The following DPP10 variants were observed in gnomAD, a reference collection of about 807,000 sequenced individuals.
DPP10 encodes the protein dipeptidyl peptidase like 10.
A neutral mutation model predicts 120.9 loss-of-function variants in DPP10; 33 were observed. The ratio of observed to expected loss-of-function variants is 0.27; its 90% CI spans 0.21 to 0.37. The LOEUF (loss-of-function observed/expected upper bound fraction) is 0.37, where lower values mean the gene tolerates loss of function less well. Among genes scored for constraint, DPP10 ranks in the 10% least tolerant of loss-of-function variants. The probability of loss-of-function intolerance (pLI) is 1.00; values close to 1 mark genes in which losing one functional copy is unlikely to be tolerated. For synonymous variants in DPP10, 337 were observed against 326.1 expected (o/e 1.03, Z -0.36); for missense variants, 816 against 942.8 (o/e 0.87, Z 1.76).
intron 1 of DPP10, among the ~76,000 whole-genome samples, chr2:114,943,431 G>A (rs1697113814): frequency 2.6e-5 from 4 of 151,970 alleles, no homozygotes; most frequent in Non-Finnish European, 5.9e-5. Context: ...GTGCCACCAC[G>A]CCCAGCTAAT....
chr2:115,586,237 G>A (rs1322054814), intron 5 of DPP10, among the ~76,000 whole-genome samples: 1 of 152,164 alleles, frequency 6.6e-6, no homozygotes, highest in Non-Finnish European at 1.5e-5. Flanking sequence ...TGAGGCAGGA[G>A]AATTGTTTGA....
chr2:114,764,673 A>G (rs1173141995), intron 1 of DPP10, among the ~76,000 whole-genome samples: 1 of 152,066 alleles, frequency 6.6e-6, no homozygotes, highest in African/African-American at 2.4e-5. Context: ...AATTTATAAT[A>G]TTTATTTTGG....
At chr2:115,298,180 A>T (rs2060973124) in intron 1 of DPP10, among the ~76,000 whole-genome samples, 1 of 152,052 alleles carries the variant, frequency 6.6e-6, no homozygotes, top group Non-Finnish European at 1.5e-5. Context: ...ATAGTCTCTG[A>T]CCTGGTAGAA....
intron 5 of DPP10, among the ~76,000 whole-genome samples, chr2:115,527,914 A>G (rs1179085773): frequency 1.3e-5 from 2 of 152,176 alleles, no homozygotes; most frequent in African/African-American, 4.8e-5. Flanking sequence ...TGCAGTTGGA[A>G]TGTATAATGG....
chr2:115,605,378 T>A (rs1256395966), intron 5 of DPP10, among the ~76,000 whole-genome samples: 5 of 152,126 alleles, frequency 3.3e-5, no homozygotes, highest in Admixed American at 2.0e-4. Context: ...CCCCAGGCTA[T>A]CTCTGTAAAT....
intron 1 of DPP10, among the ~76,000 whole-genome samples, chr2:114,524,651 T>C (rs1048747878): frequency 2.0e-5 from 3 of 152,198 alleles, no homozygotes; most frequent in African/African-American, 4.8e-5. Flanking sequence ...GAAAAAGACA[T>C]ACTCAAGTTT....
chr2:115,255,483 G>T (rs747253052), intron 1 of DPP10, among the ~76,000 whole-genome samples: 12 of 152,172 alleles, frequency 7.9e-5, no homozygotes, highest in Non-Finnish European at 1.5e-4. Context: ...TTAACACTCT[G>T]CTCCTTGTTA....
chr2:114,918,942 T>A (rs1254173670), intron 1 of DPP10, among the ~76,000 whole-genome samples: 2 of 120,642 alleles, frequency 1.7e-5, no homozygotes, highest in Non-Finnish European at 1.7e-5. Context: ...CCCCCGAACC[T>A]AAAAAAAAGA....
At chr2:114,956,911 C>A (rs1281478754) in intron 1 of DPP10, among the ~76,000 whole-genome samples, 1 of 149,352 alleles carries the variant, frequency 6.7e-6, no homozygotes, top group Non-Finnish European at 1.5e-5. Context: ...AGACCCTTTT[C>A]TCACACCATA....
intron 1 of DPP10, among the ~76,000 whole-genome samples, chr2:114,589,135 T>C (rs1573732231): frequency 6.6e-6 from 1 of 151,630 alleles, no homozygotes; most frequent in Non-Finnish European, 1.5e-5. Flanking sequence ...ATTTTGTGAG[T>C]GTTGAAGGCA....
At chr2:114,681,591 A>G (rs879344162) in intron 1 of DPP10, among the ~76,000 whole-genome samples, 2 of 152,012 alleles carry the variant, frequency 1.3e-5, no homozygotes, top group Non-Finnish European at 2.9e-5. Flanking sequence ...GCCTCCTGTA[A>G]CAAAGGGAGG....
chr2:115,687,083 G>C (rs2091031180), intron 5 of DPP10, among the ~76,000 whole-genome samples: 1 of 152,062 alleles, frequency 6.6e-6, no homozygotes, highest in African/African-American at 2.4e-5. Context: ...ATCCAAGGAA[G>C]GAGAGAGAAA....
At chr2:114,865,193 G>A (rs746410058) in intron 1 of DPP10, among the ~76,000 whole-genome samples, 15 of 152,172 alleles carry the variant, frequency 9.9e-5, no homozygotes, top group African/African-American at 3.6e-4. Flanking sequence ...ACATACGCTG[G>A]TAGAGTTCAG....
At chr2:115,421,100 CT>C (rs2069911187) in intron 3 of DPP10, among the ~76,000 whole-genome samples, 1 of 148,716 alleles carries the variant, frequency 6.7e-6, no homozygotes, top group Non-Finnish European at 1.5e-5. Flanking sequence ...TTTTTTTTTA[CT>C]TCTCTTTTTC....
chr2:114,826,404 G>A (rs1355414465), intron 1 of DPP10, among the ~76,000 whole-genome samples: 1 of 152,190 alleles, frequency 6.6e-6, no homozygotes, highest in East Asian at 1.9e-4. Flanking sequence ...AGGGACCTAT[G>A]GAAAAGGTCA....
rs376106029 is a variant in DPP10 at position 114,582,679 on chromosome 2, G to A, written c.60+139841G>A. On this transcript the variant is annotated intron_variant, in intron 1 of 25. Transcript: ENST00000410059. ...CTCATTTTGCTTTTATTTGTATTTC[G>A]TTGATGACGTATGATGTAGAGCCTG... 6.6e-4 allele frequency among the ~76,000 whole-genome samples: 101 copies of A among 152,170 alleles called. 1 individual carries two copies. Among genetic ancestry groups the A allele is most frequent in the South Asian group, 2.3e-3 (11 of 4,830 alleles).
At chr2:115,592,724 C>G (rs2082742311) in intron 5 of DPP10, among the ~76,000 whole-genome samples, 1 of 151,830 alleles carries the variant, frequency 6.6e-6, no homozygotes, top group Non-Finnish European at 1.5e-5. Flanking sequence ...CCACTGCACT[C>G]CAGCCTGGTG....
At chr2:115,072,396 A>AT (rs1481065101) in intron 1 of DPP10, among the ~76,000 whole-genome samples, 1 of 152,292 alleles carries the variant, frequency 6.6e-6, no homozygotes, top group East Asian at 1.9e-4. Context: ...GCCTTGAGTG[A>AT]TTTTGCCTAT....
chr2:114,923,554 A>G (rs1288323501), intron 1 of DPP10, among the ~76,000 whole-genome samples: 3 of 135,272 alleles, frequency 2.2e-5, no homozygotes, highest in East Asian at 2.2e-4. Context: ...TCTCAGCTCA[A>G]TGCAAGCTCT....
Sources: gnomAD v4.1 joint callset for allele counts (sites outside exome capture counted in the v4.1 genomes callset) on GRCh38, gnomAD v4.1.1 for gene constraint, MANE v1.5 for transcripts, NCBI Gene and HGNC (gene_info 2026-07-23, HGNC 2026-07-21) for gene names.